The following ATP2B4 variants were observed in gnomAD, a reference collection of about 807,000 sequenced individuals.
ATP2B4 encodes ATPase plasma membrane Ca2+ transporting 4.
In ATP2B4, 39 loss-of-function variants were observed where a neutral mutation model predicts 110.3. The observed-to-expected ratio is 0.35, with a 90% confidence interval of 0.27 to 0.46. The LOEUF (loss-of-function observed/expected upper bound fraction) is 0.46. ATP2B4 is among the 20% of genes least tolerant of loss of function. The pLI is 1.00. For synonymous variants in ATP2B4, 538 were observed against 571.7 expected, an observed-to-expected ratio of 0.94 and a Z score of 0.84; for missense variants, 1,135 against 1,530.9, an observed-to-expected ratio of 0.74 and a Z score of 4.32.
intron 1 of ATP2B4, among the ~76,000 whole-genome samples, chr1:203,678,365 T>A (rs1041339539): frequency 3.3e-5 from 5 of 151,492 alleles, no homozygotes; most frequent in African/African-American, 9.7e-5. Flanking sequence ...TAGGTTCTTG[T>A]CTCTGGCAGC....
At chr1:203,694,901 T>C (rs1329692275) in intron 2 of ATP2B4, among the ~76,000 whole-genome samples, 2 of 152,030 alleles carry the variant, frequency 1.3e-5, no homozygotes, top group African/African-American at 2.4e-5. Flanking sequence ...TTAGATATAT[T>C]TTGAAGCTGA....
chr1:203,666,726 G>A (rs1018910215), intron 1 of ATP2B4, among the ~76,000 whole-genome samples: 3 of 152,076 alleles, frequency 2.0e-5, no homozygotes, highest in Non-Finnish European at 4.4e-5. Flanking sequence ...CCCTGTTATG[G>A]AAACTTCTCT....
At chr1:203,664,634 G>T (rs947474540) in intron 1 of ATP2B4, among the ~76,000 whole-genome samples, 2 of 152,122 alleles carry the variant, frequency 1.3e-5, no homozygotes, top group Non-Finnish European at 2.9e-5. Flanking sequence ...AGCTGTGAGG[G>T]GCAGGAGCCT....
At position 203,736,290 on chromosome 1, in the gene ATP2B4, C is replaced by G. The variant is rs139721670; in HGVS notation, c.3310-3256C>G. Among the ~76,000 whole-genome samples the G allele has an allele frequency of 9.1e-3, 1,384 of 152,158 alleles. 25 individuals are homozygous for G. Among genetic ancestry groups the G allele is most frequent in the African/African-American group, 0.028 (1,181 of 41,516 alleles). On this transcript the variant is annotated intron_variant, in intron 20 of 20. Transcript: ENST00000357681. ...GACCAGCCTGGCCAACATGGTGAAA[C>G]CTCATTTCTACTAAAAATACAAAAA... is the stretch of plus-strand genomic sequence containing the variant.
intron 8 of ATP2B4, among the ~76,000 whole-genome samples, chr1:203,705,748 A>C (rs1198128127): frequency 6.6e-6 from 1 of 152,184 alleles, no homozygotes; most frequent in Non-Finnish European, 1.5e-5. Flanking sequence ...AGTACAAGCT[A>C]CCTGATGGCT....
intron 1 of ATP2B4, among the ~76,000 whole-genome samples, chr1:203,651,693 T>C (rs6421776): frequency 0.96 from 146,199 of 152,228 alleles, 70,502 homozygotes; most frequent in East Asian, 1. Flanking sequence ...TCCAGGAGTT[T>C]GAGGCTGCAG....
At chr1:203,679,877 T>C (rs1664946095) in intron 1 of ATP2B4, among the ~76,000 whole-genome samples, 1 of 150,938 alleles carries the variant, frequency 6.6e-6, no homozygotes, top group East Asian at 1.9e-4. Context: ...CGAGGCTCCA[T>C]CTCAAAAACA....
intron 17 of ATP2B4, among the ~76,000 whole-genome samples, chr1:203,722,262 A>T (rs1666359471): frequency 6.6e-6 from 1 of 152,164 alleles, no homozygotes. Flanking sequence ...TTGAGCAGGA[A>T]GGTCCAGGCT....
chr1:203,641,484 G>T (rs911455036), intron 1 of ATP2B4, among the ~76,000 whole-genome samples: 2 of 152,140 alleles, frequency 1.3e-5, no homozygotes, highest in African/African-American at 4.8e-5. Context: ...CTCTCTCTAG[G>T]ATATCTTAAA....
At chr1:203,729,312 C>T (rs1227853937) in intron 20 of ATP2B4, among the ~76,000 whole-genome samples, 1 of 151,676 alleles carries the variant, frequency 6.6e-6, no homozygotes, top group Non-Finnish European at 1.5e-5. Context: ...TTTGGGAGGC[C>T]GAGGCTGGCA....
At chr1:203,674,056 T>C (rs1664755088) in intron 1 of ATP2B4, among the ~76,000 whole-genome samples, 1 of 152,170 alleles carries the variant, frequency 6.6e-6, no homozygotes, top group Non-Finnish European at 1.5e-5. Flanking sequence ...AGAGAGTGCA[T>C]ATACGAAATA....
chr1:203,738,526 G>A (rs897244431), intron 20 of ATP2B4, among the ~76,000 whole-genome samples: 2 of 152,116 alleles, frequency 1.3e-5, no homozygotes, highest in Admixed American at 6.5e-5. Flanking sequence ...AAAACCGCAC[G>A]TGGTTTCCTT....
intron 20 of ATP2B4, among the ~76,000 whole-genome samples, chr1:203,738,702 T>C (rs1291553791): frequency 1.3e-5 from 2 of 152,200 alleles, no homozygotes; most frequent in Non-Finnish European, 2.9e-5. Context: ...TTGGGCACAG[T>C]TGCTGTGTAT....
intron 1 of ATP2B4, among the ~76,000 whole-genome samples, chr1:203,675,448 C>T (rs1056688415): frequency 6.6e-5 from 10 of 152,226 alleles, no homozygotes; most frequent in African/African-American, 1.9e-4. Flanking sequence ...AACATCCTTG[C>T]ACATGCCCCC....
chr1:203,632,505 G>A (rs946790786), intron 1 of ATP2B4, among the ~76,000 whole-genome samples: 5 of 151,612 alleles, frequency 3.3e-5, no homozygotes, highest in Non-Finnish European at 7.4e-5. Flanking sequence ...CACCACGCCC[G>A]GCTAATTTTT....
chr1:203,723,887 A>T lies in ATP2B4; in HGVS notation c.3031A>T (p.Ile1011Phe), dbSNP rs143180182. Residue 1011 changes from isoleucine (I) to phenylalanine (F), a missense_variant, in exon 19 of 21, where the codon ATC (isoleucine) becomes TTC (phenylalanine). This residue lies in a region of ATP2B4 where 155 missense variants were observed against 186.2 expected (regional missense o/e 0.83). Transcript: ENST00000357681. The stretch of plus-strand genomic sequence containing the variant: ...GCCCCTTTCTCTGTTCTAGATTTTC[A>T]TCGTGGAATTTGGGGGTAAACCCTT... ...VLGTFICQIF[I>F]VEFGGKPFSC... The T allele has an allele frequency of 3.7e-6, 6 of 1,603,242 alleles. No homozygotes were observed. Among genetic ancestry groups the T allele is most frequent in the African/African-American group, 2.7e-5 (2 of 74,172 alleles).
At chr1:203,727,111 G>C (rs1028514073) in intron 19 of ATP2B4, among the ~76,000 whole-genome samples, 2 of 152,158 alleles carry the variant, frequency 1.3e-5, no homozygotes, top group Non-Finnish European at 2.9e-5. Context: ...ACAGAAAGAG[G>C]AAAATGAAGT....
At position 203,741,953 on chromosome 1, in the gene ATP2B4, A is replaced by G. The variant is rs181738854; in HGVS notation, c.*2099A>G. ...AAGCCAATAACGAGCTTTGAAGGCT[A>G]TTTTACCATTCCTGTTCACAAAAGG... On this transcript the variant is annotated 3_prime_UTR_variant, in exon 21 of 21. Transcript: ENST00000357681. 1 of 152,750 alleles carries G rather than the reference A, an allele frequency of 6.5e-6. No homozygotes were observed. The highest frequency in any genetic ancestry group is 6.5e-5 in the Admixed American group (1 of 15,300). The allele number at this position is 152,750 out of a possible 1,614,324, so 9.5% of individuals were successfully genotyped here.
intron 2 of ATP2B4, among the ~76,000 whole-genome samples, chr1:203,687,990 A>G (rs561689789): frequency 5.8e-5 from 8 of 137,610 alleles, no homozygotes; most frequent in Non-Finnish European, 1.1e-4. Context: ...GGGAGAGAGA[A>G]AGAGATTATT....
Sources: allele counts gnomAD v4.1 joint callset (sites outside exome capture counted in the v4.1 genomes callset), GRCh38; gene constraint gnomAD v4.1.1; regional missense constraint gnomAD v4.1.1; transcripts MANE v1.5; gene names NCBI Gene and HGNC (gene_info 2026-07-23, HGNC 2026-07-21).